The following MEGF6 variants were observed in gnomAD, a reference collection of about 807,000 sequenced individuals.
MEGF6 encodes the protein multiple EGF like domains 6.
In MEGF6, 184 loss-of-function variants were observed where a neutral mutation model predicts 207.1. That is an observed-to-expected ratio of 0.89 (90% CI 0.79 to 1.00). The LOEUF (loss-of-function observed/expected upper bound fraction) is 1.00, where lower values mean the gene tolerates loss of function less well. Among genes scored for constraint, MEGF6 ranks in the 50% least tolerant of loss-of-function variants. The pLI is 0.00. For synonymous variants in MEGF6, 1,038 were observed against 910.0 expected, an observed-to-expected ratio of 1.14 and a Z score of -2.53; for missense variants, 2,282 against 2,202.9, an observed-to-expected ratio of 1.04 and a Z score of -0.72.
chr1:3,491,101 A>C (rs1569912242), intron 35 of MEGF6, 142 bp from the exon 36 acceptor site: 43 of 412,618 alleles, frequency 1.0e-4, no homozygotes, highest in South Asian at 2.6e-4. Flanking sequence ...AGTCCTTTGC[A>C]CTCGGGGAAG....
rs533004943 is a variant in MEGF6 at position 3,511,441 on chromosome 1, G to A, written c.1114+109C>T. 2.9e-4 allele frequency: 396 copies of A among 1,347,402 alleles called. 4 individuals carry two copies. In the South Asian group the frequency reaches 5.6e-3, roughly 19 times the overall value. 83.5% of individuals were successfully genotyped at this position (1,347,402 alleles called of 1,614,324 possible). ...GCCCAGGCAGCCAGACCAGGACTCA[G>A]GGAGACTGACGAGGACCTCCAAGTC... On this transcript the variant is annotated intron_variant, in intron 9 of 36. Coordinates refer to ENST00000356575, the MANE Select transcript of MEGF6 (RefSeq NM_001409.4).
At chr1:3,585,309 G>A (rs1212113187) in intron 3 of MEGF6, among the ~76,000 whole-genome samples, 4 of 148,608 alleles carry the variant, frequency 2.7e-5, no homozygotes, top group Non-Finnish European at 5.9e-5. Flanking sequence ...GCGGACGCAT[G>A]TCCTGTGTGT....
At position 3,501,166 on chromosome 1, in the gene MEGF6, A is replaced by T; in HGVS notation, c.2446+11T>A. ...AGGTCAAAGGCTCAGGGGCAGCTCCAGCTCACTCACCGTCCTGGCAGCGGC... is the reference window on the plus strand; with the variant it reads ...AGGTCAAAGGCTCAGGGGCAGCTCCTGCTCACTCACCGTCCTGGCAGCGGC... On this transcript the variant is annotated intron_variant, in intron 19 of 36. Coordinates refer to ENST00000356575, the MANE Select transcript of MEGF6 (RefSeq NM_001409.4). 1 of 1,612,490 alleles carries T rather than the reference A, an allele frequency of 6.2e-7. No individual in the cohort carries two copies. Among genetic ancestry groups the T allele is most frequent in the Non-Finnish European group, 8.5e-7 (1 of 1,179,840 alleles).
At chr1:3,505,388 G>GCCCCCCCCC in intron 16 of MEGF6, 34 bp downstream of exon 16, 1 of 1,573,970 alleles carries the variant, frequency 6.4e-7, no homozygotes, top group Non-Finnish European at 8.6e-7. Flanking sequence ...CGACCCTGGC[G>GCCCCCCCCC]CCCCCCGCCC....
intron 35 of MEGF6, among the ~76,000 whole-genome samples, chr1:3,491,696 C>G (rs1640374628): frequency 6.6e-6 from 1 of 151,260 alleles, no homozygotes; most frequent in African/African-American, 2.4e-5. Context: ...TTGCCCCGCA[C>G]AGGCCCCAAG....
rs1331755566 is a variant in MEGF6, at chr1:3,512,096, A to T, written c.886T>A (p.Cys296Ser). 3.7e-6 allele frequency: 6 copies of T among 1,611,246 alleles called. No individual in the cohort carries two copies. The East Asian group carries it at 1.3e-4, about 36-fold the overall frequency. The change falls in exon 8 of 37, where the codon TGT becomes AGT. Residue 296 changes from cysteine to serine, a missense_variant. Transcript: ENST00000356575. The stretch of plus-strand genomic sequence containing the variant: ...TGGGTGTTGAGGCAGCCATGGGCAC[A>T]CTGGGCCAGCCCTGCGGCACATTCG... ...VDECAAGLAQ[C>S]AHGCLNTQGS...
intron 36 of MEGF6, 75 bp downstream of exon 36, chr1:3,490,837 A>C: frequency 1.3e-6 from 2 of 1,515,482 alleles, no homozygotes; most frequent in South Asian, 2.4e-5. Context: ...CCCAGATTAT[A>C]CTTAAGCACT....
chr1:3,602,669 C>A, intron 1 of MEGF6, 69 bp from the exon 2 acceptor site: 2 of 1,538,454 alleles, frequency 1.3e-6, no homozygotes, highest in Non-Finnish European at 1.8e-6. Flanking sequence ...CCTCCTGCAC[C>A]CCCAGCCTTG....
intron 1 of MEGF6, 50 bp downstream of exon 1, chr1:3,611,088 C>T: frequency 7.0e-7 from 1 of 1,429,248 alleles, no homozygotes; most frequent in Non-Finnish European, 9.1e-7. Flanking sequence ...CTCCAGAGGC[C>T]CCGGGGTCCC....
chr1:3,546,287 T>C (rs940894521), intron 4 of MEGF6, among the ~76,000 whole-genome samples: 3 of 152,228 alleles, frequency 2.0e-5, no homozygotes, highest in Non-Finnish European at 4.4e-5. Flanking sequence ...CCAGCCATGG[T>C]GGGGCTGAGC....
chr1:3,576,767 T>C (rs1256055920), intron 4 of MEGF6, among the ~76,000 whole-genome samples: 262 of 104,090 alleles, frequency 2.5e-3, no homozygotes, highest in Middle Eastern at 8.1e-3. Flanking sequence ...GCCCTGCACA[T>C]TCCACCCCTG....
chr1:3,577,622 T>C (rs1219332856), intron 4 of MEGF6, among the ~76,000 whole-genome samples: 1 of 152,200 alleles, frequency 6.6e-6, no homozygotes, highest in South Asian at 2.1e-4. Flanking sequence ...CCACGGTGAC[T>C]GGGGCATGGG....
intron 4 of MEGF6, among the ~76,000 whole-genome samples, chr1:3,539,433 C>T (rs1396374066): frequency 1.3e-5 from 2 of 152,172 alleles, no homozygotes; most frequent in South Asian, 2.1e-4. Flanking sequence ...GAACACGGCC[C>T]CACCTGCACA....
At chr1:3,534,236 A>G (rs1261162809) in intron 4 of MEGF6, among the ~76,000 whole-genome samples, 1 of 152,254 alleles carries the variant, frequency 6.6e-6, no homozygotes, top group Non-Finnish European at 1.5e-5. Context: ...GCAAGAAAGA[A>G]TAGAAGAGAA....
Position 3,505,290 on chromosome 1 carries a change from T to G in MEGF6, c.2106A>C (p.Pro702=). The change falls in exon 17 of 37, where the codon CCA becomes CCC. Residue 702 remains proline (P), a synonymous_variant. Transcript: ENST00000356575. ...GPGCWQACTC[P]VGVACDSVSG... is the part of the protein sequence containing the mutation. ...TCACGGAGTCACAGGCCACGCCCAC[T>G]GGGCAGGTGCATGCCTGCCAGCACC... is the stretch of plus-strand genomic sequence containing the variant. 2.5e-6 allele frequency: 4 copies of G among 1,612,210 alleles called. No individual in the cohort carries two copies. Among genetic ancestry groups the G allele is most frequent in the Non-Finnish European group, 3.4e-6 (4 of 1,179,698 alleles).
At chr1:3,598,437 C>T (rs1239866318) in intron 2 of MEGF6, among the ~76,000 whole-genome samples, 8 of 152,240 alleles carry the variant, frequency 5.3e-5, no homozygotes, top group African/African-American at 1.7e-4. Context: ...GGACAGAAAC[C>T]GACCACCACG....
At chr1:3,542,013 C>T (rs1004885835) in intron 4 of MEGF6, among the ~76,000 whole-genome samples, 1 of 152,242 alleles carries the variant, frequency 6.6e-6, no homozygotes, top group African/African-American at 2.4e-5. Flanking sequence ...GGTCCGGCAC[C>T]GAGAAGGAAG....
chr1:3,579,250 A>C (rs1273769407), intron 4 of MEGF6, among the ~76,000 whole-genome samples: 1 of 152,202 alleles, frequency 6.6e-6, no homozygotes, highest in Non-Finnish European at 1.5e-5. Context: ...CCGCATTGGC[A>C]CGCACTTTTC....
intron 5 of MEGF6, among the ~76,000 whole-genome samples, chr1:3,518,918 A>G (rs1459259478): frequency 1.3e-5 from 2 of 152,064 alleles, no homozygotes; most frequent in African/African-American, 4.8e-5. Context: ...TGCCCTCTCA[A>G]TGGGGCCTCC....
Sources: gnomAD v4.1 joint callset for allele counts (sites outside exome capture counted in the v4.1 genomes callset) on GRCh38, gnomAD v4.1.1 for gene constraint, MANE v1.5 for transcripts, NCBI Gene and HGNC (gene_info 2026-07-23, HGNC 2026-07-21) for gene names.